DNAJC14: variants seen among roughly 807,000 people sequenced by gnomAD.
DNAJC14 encodes dnaJ homolog subfamily C member 14.
Under a neutral mutation model 68.8 loss-of-function variants are expected in DNAJC14, and 12 were observed. The ratio of observed to expected loss-of-function variants is 0.17; its 90% CI spans 0.11 to 0.28. The LOEUF is 0.28. DNAJC14 is among the 10% of genes least tolerant of loss of function. The probability of loss-of-function intolerance (pLI) is 1.00; values close to 1 mark genes in which losing one functional copy is unlikely to be tolerated. For synonymous variants in DNAJC14, 350 were observed against 321.5 expected, an observed-to-expected ratio of 1.09 and a Z score of -0.95; for missense variants, 764 against 875.6, an observed-to-expected ratio of 0.87 and a Z score of 1.61.
chr12:55,821,700 G>C lies in DNAJC14; in HGVS notation c.*277C>G, dbSNP rs928974512. 16 of 223,500 alleles carry C rather than the reference G, an allele frequency of 7.2e-5. No homozygotes were observed. The East Asian group carries it at 1.6e-3, about 22-fold the overall frequency. The allele number at this position is 223,500 out of a possible 1,614,324, so 13.8% of individuals were successfully genotyped here. A position where few individuals can be genotyped will look rare whatever the true frequency, so the allele number is the denominator to read the frequency against. On this transcript the variant is annotated 3_prime_UTR_variant, in exon 7 of 7. Transcript: ENST00000678005. ...CCGTCTCTACTAAAAATACAAAAAA[G>C]AATTAGCTGGGCCAGGTGTGGTGGT...
At chr12:55,827,018 T>G (rs898340277) in intron 2 of DNAJC14, among the ~76,000 whole-genome samples, 3 of 150,974 alleles carry the variant, frequency 2.0e-5, no homozygotes, top group Admixed American at 1.3e-4. Context: ...TGAAACCCCA[T>G]CTCTACTAAA....
Position 55,821,964 on chromosome 12 carries a change from A to G in DNAJC14, c.*13T>C. On this transcript the variant is annotated 3_prime_UTR_variant, in exon 7 of 7. Coordinates refer to ENST00000678005, the MANE Select transcript of DNAJC14 (RefSeq NM_032364.6). ...TGACTCCCTGACATTGATTTGAGGA[A>G]AGAGAAGGGGCATCAACGTTGGAAG... is the stretch of plus-strand genomic sequence containing the variant. 3 of 1,599,386 alleles carry G rather than the reference A, an allele frequency of 1.9e-6. No individual in the cohort carries two copies. The highest frequency in any genetic ancestry group is 2.6e-6 in the Non-Finnish European group (3 of 1,173,950).
Position 55,828,222 on chromosome 12 carries a change from C to T in DNAJC14, c.437G>A (p.Gly146Glu). 10 of 1,610,138 alleles carry T rather than the reference C, an allele frequency of 6.2e-6. No individual in the cohort carries two copies. Among genetic ancestry groups the T allele is most frequent in the Non-Finnish European group, 6.8e-6 (8 of 1,178,296 alleles). Residue 146 changes from glycine to glutamate, a missense_variant, in exon 2 of 7, where the codon GGA (glycine) becomes GAA (glutamate). This residue lies in a region of DNAJC14 where 514 missense variants were observed against 521.7 expected (regional missense o/e 0.99). Transcript: ENST00000678005. The stretch of plus-strand genomic sequence containing the variant: ...GCAAAAGTTGCTAGAAGAACCATTT[C>T]CTCCCTCAGAGTAAGGCCCTTCTGG... ...GIPEGPYSEG[G>E]NGSSSNFCHH... is the part of the protein sequence containing the mutation.
In DNAJC14 at chr12:55,821,932, G is replaced by C; in HGVS notation, c.*45C>G. On this transcript the variant is annotated 3_prime_UTR_variant, in exon 7 of 7. Transcript: ENST00000678005. ...AAATCAAACTCCATCCTGTGCTACAGCCCTTTTGACTCCCTGACATTGATT... is the reference window on the plus strand; with the variant it reads ...AAATCAAACTCCATCCTGTGCTACACCCCTTTTGACTCCCTGACATTGATT... 3.2e-6 allele frequency: 5 copies of C among 1,562,432 alleles called. No homozygotes were observed. Among genetic ancestry groups the C allele is most frequent in the Non-Finnish European group, 4.3e-6 (5 of 1,150,286 alleles).
intron 2 of DNAJC14, among the ~76,000 whole-genome samples, chr12:55,825,441 TATC>T (rs1302383818): frequency 6.6e-6 from 1 of 152,044 alleles, no homozygotes; most frequent in Non-Finnish European, 1.5e-5. Context: ...TGTTATCTAA[TATC>T]AACCTAATAT....
chr12:55,827,636 A>G lies in DNAJC14; in HGVS notation c.1023T>C (p.Phe341=). 6.2e-6 allele frequency: 10 copies of G among 1,612,038 alleles called. No homozygotes were observed. Among genetic ancestry groups the G allele is most frequent in the Non-Finnish European group, 8.5e-6 (10 of 1,179,048 alleles). The change falls in exon 2 of 7, where the codon TTT becomes TTC. Residue 341 remains phenylalanine (F), a synonymous_variant. Coordinates refer to ENST00000678005, the MANE Select transcript of DNAJC14 (RefSeq NM_032364.6). ...LLLALALFLG[F]LQLGWRFLVG... ...CCAGAAACCGCCATCCCAACTGTAG[A>G]AAGCCCAAAAAGAGGGCCAGAGCCA...
chr12:55,825,480 T>C (rs1055799054), intron 2 of DNAJC14, among the ~76,000 whole-genome samples: 2 of 152,060 alleles, frequency 1.3e-5, no homozygotes, highest in African/African-American at 4.8e-5. Flanking sequence ...TTTGATTGCA[T>C]GCTTGTATTA....
intron 2 of DNAJC14, among the ~76,000 whole-genome samples, chr12:55,823,926 A>G (rs1030302091): frequency 6.8e-6 from 1 of 147,328 alleles, no homozygotes; most frequent in Admixed American, 6.9e-5. Flanking sequence ...CTGGTCTCGA[A>G]CTCCTGACCT....
intron 1 of DNAJC14, 40 bp from the exon 2 acceptor site, chr12:55,828,754 C>G: frequency 4.1e-6 from 6 of 1,453,062 alleles, no homozygotes; most frequent in Non-Finnish European, 5.4e-6. Context: ...AAGGATGAGA[C>G]CAAGAGAGGA....
intron 1 of DNAJC14, 146 bp downstream of exon 1, chr12:55,829,343 G>A: frequency 5.3e-6 from 5 of 948,110 alleles, no homozygotes; most frequent in Non-Finnish European, 6.3e-6. Flanking sequence ...TACTCGGGAG[G>A]CTGAGGCAGA....
Position 55,821,332 on chromosome 12 carries a change from G to T in DNAJC14, c.*645C>A, listed in dbSNP as rs79015557. Reference sequence around the variant, plus strand: ...CTTTTAAATATTATATCAGGATAAAGGAGAGGGCTCCCTCCTGAAATGGGT... The same window carrying T: ...CTTTTAAATATTATATCAGGATAAATGAGAGGGCTCCCTCCTGAAATGGGT... On this transcript the variant is annotated 3_prime_UTR_variant, in exon 7 of 7. Transcript: ENST00000678005. The T allele has an allele frequency of 6.6e-6, 1 of 152,564 alleles. No homozygotes were observed. Among genetic ancestry groups the T allele is most frequent in the Non-Finnish European group, 1.5e-5 (1 of 68,036 alleles). 9.5% of individuals were successfully genotyped at this position (152,564 alleles called of 1,614,324 possible). A position where few individuals can be genotyped will look rare whatever the true frequency, so the allele number is the denominator to read the frequency against.
upstream of DNAJC14, chr12:55,830,659 T>C (rs1880959911): frequency 6.6e-6 from 1 of 152,492 alleles, no homozygotes. Context: ...CGGAGACCCT[T>C]CTCCAAAACT....
chr12:55,828,669 C>A lies in DNAJC14; in HGVS notation c.-11G>T, dbSNP rs375894015. 1 of 1,606,998 alleles carries A rather than the reference C, an allele frequency of 6.2e-7. No homozygotes were observed. Among genetic ancestry groups the A allele is most frequent in the Non-Finnish European group, 8.5e-7 (1 of 1,175,698 alleles). ...GTGCTTCTGGGCCATGACCCCGGGGCTTCCTGAGGGTCTTAGGTCACAGCC... is the reference window on the plus strand; with the variant it reads ...GTGCTTCTGGGCCATGACCCCGGGGATTCCTGAGGGTCTTAGGTCACAGCC... On this transcript the variant is annotated 5_prime_UTR_variant, in exon 2 of 7. Coordinates refer to ENST00000678005, the MANE Select transcript of DNAJC14 (RefSeq NM_032364.6).
intron 2 of DNAJC14, among the ~76,000 whole-genome samples, chr12:55,825,951 A>G (rs1592594022): frequency 6.6e-6 from 1 of 152,164 alleles, no homozygotes; most frequent in Admixed American, 6.6e-5. Flanking sequence ...TGATCTTGAA[A>G]CAGCCTGTTT....
rs1487558364 is a variant in DNAJC14 at position 55,827,105 on chromosome 12, C to G, written c.1407+147G>C. 4 of 751,536 alleles carry G rather than the reference C, an allele frequency of 5.3e-6. No individual in the cohort carries two copies. In the African/African-American group the frequency reaches 7.3e-5, roughly 14 times the overall value. The allele number at this position is 751,536 out of a possible 1,614,324, so 46.6% of individuals were successfully genotyped here. On this transcript the variant is annotated intron_variant, in intron 2 of 6. Transcript: ENST00000678005. Reference sequence around the variant, plus strand: ...ACTCAGGAGGCTGAGGCAGGAGAATCGCTTGAACCCAGGAGGCGGAGGTTG... The same window carrying G: ...ACTCAGGAGGCTGAGGCAGGAGAATGGCTTGAACCCAGGAGGCGGAGGTTG...
Position 55,821,953 on chromosome 12 carries a change from T to C in DNAJC14, c.*24A>G, listed in dbSNP as rs1305012811. On this transcript the variant is annotated 3_prime_UTR_variant, in exon 7 of 7. Transcript: ENST00000678005. The stretch of plus-strand genomic sequence containing the variant: ...TACAGCCCTTTTGACTCCCTGACAT[T>C]GATTTGAGGAAAGAGAAGGGGCATC... The C allele has an allele frequency of 1.3e-6, 2 of 1,593,836 alleles. No individual in the cohort carries two copies. Among genetic ancestry groups the C allele is most frequent in the Admixed American group, 3.6e-5 (2 of 56,328 alleles).
At chr12:55,825,431 T>C (rs7956337) in intron 2 of DNAJC14, among the ~76,000 whole-genome samples, 151,173 of 152,228 alleles carry the variant, frequency 0.99, 75,076 homozygotes, top group Middle Eastern at 1. Context: ...AGTAACAATC[T>C]GTTATCTAAT....
At chr12:55,829,209 G>A (rs530171392) in intron 1 of DNAJC14, 3 of 969,658 alleles carry the variant, frequency 3.1e-6, no homozygotes, top group Non-Finnish European at 3.7e-6. Flanking sequence ...CACTTTGGGA[G>A]GCCGAGGCCG....
At position 55,827,995 on chromosome 12, in the gene DNAJC14, G is replaced by T. The variant is rs764548059; in HGVS notation, c.664C>A (p.Arg222=). 1.2e-5 allele frequency: 20 copies of T among 1,613,256 alleles called. 1 individual carries two copies. In the South Asian group the frequency reaches 2.1e-4, roughly 17 times the overall value. Residue 222 remains arginine (R), a synonymous_variant, in exon 2 of 7, where the codon CGG becomes AGG. Coordinates refer to ENST00000678005, the MANE Select transcript of DNAJC14 (RefSeq NM_032364.6). ...RRDPRSPGRH[R]LGRKRSQADK... The stretch of plus-strand genomic sequence containing the variant: ...GCCTGACTTCGTTTCCGACCCAGCC[G>T]ATGTCGACCAGGGGACCTGGGATCC...
Sources: allele counts gnomAD v4.1 joint callset (sites outside exome capture counted in the v4.1 genomes callset), GRCh38; gene constraint gnomAD v4.1.1; regional missense constraint gnomAD v4.1.1; transcripts MANE v1.5; gene names NCBI Gene and HGNC (gene_info 2026-07-23, HGNC 2026-07-21).